PCDHGA6: variants seen among roughly 807,000 people sequenced by gnomAD.
PCDHGA6 encodes the protein protocadherin gamma-A6.
In PCDHGA6, 41 loss-of-function variants were observed where a neutral mutation model predicts 60.6. The ratio of observed to expected loss-of-function variants is 0.68; its 90% CI spans 0.53 to 0.88. The LOEUF (loss-of-function observed/expected upper bound fraction) is 0.88. PCDHGA6 is among the 40% of genes least tolerant of loss of function. PCDHGA6 has a pLI of 0.00. For missense variants in PCDHGA6, 1,312 were observed against 1,203.0 expected (o/e 1.09, Z -1.34); for synonymous variants, 594 against 524.4 (o/e 1.13, Z -1.81).
intron 1 of PCDHGA6, chr5:141,421,694 C>G (rs2096592726): frequency 6.2e-7 from 1 of 1,613,936 alleles, no homozygotes. Flanking sequence ...TTTGCTCTTC[C>G]TAATGCTAGG....
chr5:141,400,798 A>G (rs2094077333), intron 1 of PCDHGA6: 2 of 559,100 alleles, frequency 3.6e-6, no homozygotes, highest in Non-Finnish European at 6.3e-6. Flanking sequence ...TCTTTCTCAA[A>G]GCTAATGAAT....
At chr5:141,409,545 A>G in intron 1 of PCDHGA6, 1 of 1,613,938 alleles carries the variant, frequency 6.2e-7, no homozygotes, top group African/African-American at 1.3e-5. Flanking sequence ...ATCAACGACA[A>G]CGCCCCAGTT....
chr5:141,480,217 G>A (rs1443825272), intron 1 of PCDHGA6, among the ~76,000 whole-genome samples: 2 of 147,950 alleles, frequency 1.4e-5, no homozygotes, highest in Non-Finnish European at 3.0e-5. Context: ...CAGCCTGAGC[G>A]ACATAGTGAG....
chr5:141,470,915 C>A (rs2099244061), intron 1 of PCDHGA6, among the ~76,000 whole-genome samples: 1 of 152,010 alleles, frequency 6.6e-6, no homozygotes, highest in Non-Finnish European at 1.5e-5. Flanking sequence ...GGGACTGTCC[C>A]TATGTTGCTC....
chr5:141,401,109 C>G (rs1389316272), intron 1 of PCDHGA6, among the ~76,000 whole-genome samples: 2 of 152,012 alleles, frequency 1.3e-5, no homozygotes, highest in African/African-American at 2.4e-5. Flanking sequence ...TTTGGGAGGC[C>G]GAGGCGGTTG....
At chr5:141,422,488 A>G in intron 1 of PCDHGA6, 1 of 1,614,000 alleles carries the variant, frequency 6.2e-7, no homozygotes, top group Non-Finnish European at 8.5e-7. Context: ...GAGCTACAAT[A>G]TAACGTTGAC....
chr5:141,386,433 T>C (rs1214742071), intron 1 of PCDHGA6, among the ~76,000 whole-genome samples: 1 of 152,144 alleles, frequency 6.6e-6, no homozygotes, highest in African/African-American at 2.4e-5. Context: ...CCCACCTGCA[T>C]GGGAGGCTGA....
Position 141,489,173 on chromosome 5 carries a change from C to T in PCDHGA6, c.2425-5634C>T. 8.3e-7 allele frequency: 1 copy of T among 1,208,434 alleles called. No individual in the cohort carries two copies. Among genetic ancestry groups the T allele is most frequent in the Non-Finnish European group, 1.2e-6 (1 of 860,944 alleles). The allele number at this position is 1,208,434 out of a possible 1,614,324, so 74.9% of individuals were successfully genotyped here. ...CATAAGAGACTTCAGCTGCTGCATTCCAAGCCCTGGGTCTACCTTGGAGAC... is the reference window on the plus strand; with the variant it reads ...CATAAGAGACTTCAGCTGCTGCATTTCAAGCCCTGGGTCTACCTTGGAGAC... On this transcript the variant is annotated intron_variant, in intron 1 of 3. Coordinates refer to ENST00000517434, the MANE Select transcript of PCDHGA6 (RefSeq NM_018919.3). The surrounding 1 kb of genome is among the most constrained non-coding windows in gnomAD (Gnocchi z 4.5).
intron 1 of PCDHGA6, chr5:141,388,015 G>A (rs2091197688): frequency 6.8e-7 from 1 of 1,467,954 alleles, no homozygotes; most frequent in South Asian, 1.3e-5. Context: ...ATGCCCAAGG[G>A]CTCCGTAGTG....
intron 1 of PCDHGA6, among the ~76,000 whole-genome samples, chr5:141,465,592 A>G (rs1485357197): frequency 6.6e-6 from 1 of 152,046 alleles, no homozygotes; most frequent in Non-Finnish European, 1.5e-5. Flanking sequence ...TAATAATCAG[A>G]TCTTATCACT....
intron 1 of PCDHGA6, chr5:141,400,388 A>C: frequency 1.9e-6 from 3 of 1,614,066 alleles, no homozygotes; most frequent in Non-Finnish European, 2.5e-6. Context: ...TGTGTTGCAC[A>C]TACAGGAAAG....
rs375537017 is a variant in PCDHGA6 at position 141,419,439 on chromosome 5, C to T, written c.2424+42932C>T. 22 of 1,613,154 alleles carry T rather than the reference C, an allele frequency of 1.4e-5. No individual in the cohort carries two copies. Among genetic ancestry groups the T allele is most frequent in the Non-Finnish European group, 1.7e-5 (20 of 1,179,788 alleles). On this transcript the variant is annotated intron_variant, in intron 1 of 3. Transcript: ENST00000517434. ...GCCTTCGACCACGAGCAGCTGCGCACCTTCGAGCTCACGCTGCAGGCCCGC... is the reference window on the plus strand; with the variant it reads ...GCCTTCGACCACGAGCAGCTGCGCATCTTCGAGCTCACGCTGCAGGCCCGC...
chr5:141,376,207 C>T lies in PCDHGA6; in HGVS notation c.2124C>T (p.Val708=). Residue 708 remains valine, a synonymous_variant, in exon 1 of 4, where the codon GTC becomes GTT. Coordinates refer to ENST00000517434, the MANE Select transcript of PCDHGA6 (RefSeq NM_018919.3). ...TCTCCTGCGTCTTCCTGGCCTTCGT[C>T]ATCGTGCTGCTGGCGCTCAGACTGC... ...AAVSCVFLAF[V]IVLLALRLQR... 1.9e-6 allele frequency: 3 copies of T among 1,614,208 alleles called. No homozygotes were observed. The African/African-American group carries it at 4.0e-5, about 22-fold the overall frequency.
chr5:141,484,333 A>T (rs1019527273), intron 1 of PCDHGA6, among the ~76,000 whole-genome samples: 2 of 152,198 alleles, frequency 1.3e-5, no homozygotes, highest in Non-Finnish European at 2.9e-5. Flanking sequence ...CCTTGAAATC[A>T]ATGAATGGTA....
chr5:141,381,186 GC>G (rs1489730819), intron 1 of PCDHGA6, among the ~76,000 whole-genome samples: 7 of 152,226 alleles, frequency 4.6e-5, no homozygotes, highest in Non-Finnish European at 7.3e-5. Flanking sequence ...ACGAAGTTAA[GC>G]TTTCTTAGTG....
chr5:141,407,732 A>G (rs1294403186), intron 1 of PCDHGA6, among the ~76,000 whole-genome samples: 3 of 152,242 alleles, frequency 2.0e-5, no homozygotes, highest in Non-Finnish European at 4.4e-5. Flanking sequence ...AAGGTTCACT[A>G]TATATACTCC....
intron 1 of PCDHGA6, chr5:141,403,454 C>A: frequency 6.2e-7 from 1 of 1,614,054 alleles, no homozygotes; most frequent in Non-Finnish European, 8.5e-7. Flanking sequence ...GAACTCCCTC[C>A]AGAGCTACCA....
intron 1 of PCDHGA6, chr5:141,409,675 AG>A (rs2095301185): frequency 1.9e-6 from 3 of 1,613,304 alleles, no homozygotes; most frequent in African/African-American, 2.7e-5. Flanking sequence ...CCTACTCTAT[AG>A]TGGCGAGTGA....
chr5:141,480,077 C>T (rs767048249), intron 1 of PCDHGA6, among the ~76,000 whole-genome samples: 2 of 152,142 alleles, frequency 1.3e-5, no homozygotes, highest in Non-Finnish European at 2.9e-5. Flanking sequence ...AAGATTCATG[C>T]ATGATATAAT....
Sources: gnomAD v4.1 joint callset for allele counts (sites outside exome capture counted in the v4.1 genomes callset) on GRCh38, gnomAD v4.1.1 for gene constraint, Gnocchi (gnomAD v3.1) non-coding constraint, MANE v1.5 for transcripts, NCBI Gene and HGNC (gene_info 2026-07-23, HGNC 2026-07-21) for gene names.